GPR141: variants seen among roughly 807,000 people sequenced by gnomAD.
GPR141 encodes probable G protein-coupled receptor 141.
In GPR141, 6 loss-of-function variants were observed where a neutral mutation model predicts 6.8. That is an observed-to-expected ratio of 0.88 (90% confidence interval 0.48 to 1.74). The LOEUF is 1.74. Among genes scored for constraint, GPR141 ranks in the 40% most tolerant of loss-of-function variants. GPR141 has a pLI of 0.01. For missense variants in GPR141, 372 were observed against 372.9 expected (o/e 1.00, Z 0.02); for synonymous variants, 140 against 142.3 (o/e 0.98, Z 0.11).
chr7:37,739,765 A>G (rs935438914), intron 2 of GPR141, among the ~76,000 whole-genome samples: 6 of 152,126 alleles, frequency 3.9e-5, no homozygotes, highest in Admixed American at 2.6e-4. Flanking sequence ...AGTGGGGCCC[A>G]TGGGAAGGCT....
intron 2 of GPR141, among the ~76,000 whole-genome samples, chr7:37,709,168 C>T (rs1050804450): frequency 2.6e-5 from 4 of 152,104 alleles, no homozygotes; most frequent in Admixed American, 1.3e-4. Flanking sequence ...GAGAGATCAT[C>T]GTACACAGAA....
intron 2 of GPR141, among the ~76,000 whole-genome samples, chr7:37,730,623 G>A (rs1214582812): frequency 6.6e-6 from 1 of 152,164 alleles, no homozygotes; most frequent in African/African-American, 2.4e-5. Flanking sequence ...GTGACTGCAG[G>A]TGCTGGCTTG....
chr7:37,726,633 A>T (rs1340754273), intron 2 of GPR141, among the ~76,000 whole-genome samples: 1 of 152,164 alleles, frequency 6.6e-6, no homozygotes, highest in African/African-American at 2.4e-5. Flanking sequence ...TCCATATTGT[A>T]ATTTTTTGGA....
intron 2 of GPR141, among the ~76,000 whole-genome samples, chr7:37,715,832 C>T (rs561955186): frequency 5.3e-5 from 8 of 152,216 alleles, no homozygotes; most frequent in East Asian, 1.9e-4. Context: ...ATTTGTAGGC[C>T]GCCAATGCAC....
At chr7:37,733,893 C>A (rs1812108722) in intron 2 of GPR141, among the ~76,000 whole-genome samples, 1 of 151,980 alleles carries the variant, frequency 6.6e-6, no homozygotes, top group African/African-American at 2.4e-5. Flanking sequence ...CAATATTGGC[C>A]GAGTATCGTG....
chr7:37,697,985 T>A (rs1810100725), intron 2 of GPR141, among the ~76,000 whole-genome samples: 1 of 152,230 alleles, frequency 6.6e-6, no homozygotes. Context: ...AGAGACACCC[T>A]GTGCATCCTG....
Position 37,740,723 on chromosome 7 carries a change from G to T in GPR141, c.330G>T (p.Leu110=). The change falls in exon 3 of 3, where the codon CTG becomes CTT. Residue 110 remains leucine, a synonymous_variant. Transcript: ENST00000334425. ...YLTFLFYVVI[L]VTRYLIFFKC... is the part of the protein sequence containing the mutation. ...CGTTCCTATTCTATGTGGTGATCCT[G>T]GTCACCAGATACCTCATCTTCTTCA... 6.2e-7 allele frequency: 1 copy of T among 1,614,046 alleles called. No individual in the cohort carries two copies. Among genetic ancestry groups the T allele is most frequent in the Non-Finnish European group, 8.5e-7 (1 of 1,179,972 alleles).
chr7:37,700,271 GA>G (rs1395732921), intron 2 of GPR141, among the ~76,000 whole-genome samples: 1 of 152,054 alleles, frequency 6.6e-6, no homozygotes, highest in African/African-American at 2.4e-5. Context: ...TTACTTTTTT[GA>G]AAAATTAGGA....
chr7:37,720,361 A>G (rs964944646), intron 2 of GPR141, among the ~76,000 whole-genome samples: 1 of 152,226 alleles, frequency 6.6e-6, no homozygotes, highest in Admixed American at 6.5e-5. Context: ...GGAGCTGAGC[A>G]TGTGAATTGA....
chr7:37,689,895 C>T (rs933003174), intron 2 of GPR141, among the ~76,000 whole-genome samples: 2 of 150,710 alleles, frequency 1.3e-5, no homozygotes, highest in African/African-American at 4.9e-5. Context: ...GTTTCAATTT[C>T]ATTTATTTCT....
At chr7:37,723,341 C>CT (rs968285420) in intron 2 of GPR141, among the ~76,000 whole-genome samples, 1 of 151,314 alleles carries the variant, frequency 6.6e-6, no homozygotes, top group African/African-American at 2.4e-5. Context: ...TTAGTTGCCT[C>CT]TTTTTTTATT....
intron 2 of GPR141, among the ~76,000 whole-genome samples, chr7:37,698,511 G>T (rs889340253): frequency 2.0e-5 from 3 of 152,322 alleles, no homozygotes; most frequent in African/African-American, 7.2e-5. Context: ...TAGTAAGGGA[G>T]TATTAGAAAC....
At position 37,684,959 on chromosome 7, in the gene GPR141, C is replaced by T. The variant is rs111651379; in HGVS notation, c.-138-501C>T. 7.9e-3 allele frequency among the ~76,000 whole-genome samples: 1,203 copies of T among 152,310 alleles called. 23 individuals carry two copies. The highest frequency in any genetic ancestry group is 0.027 in the African/African-American group (1,130 of 41,564). Reference sequence around the variant, plus strand: ...GCTGCATAATTTGGGGGAATATTGTCTAAGGATTCCAGACCAGGGGTTGGC... The same window carrying T: ...GCTGCATAATTTGGGGGAATATTGTTTAAGGATTCCAGACCAGGGGTTGGC... On this transcript the variant is annotated intron_variant, in intron 1 of 2. Coordinates refer to ENST00000334425, the MANE Select transcript of GPR141 (RefSeq NM_001381946.1).
At chr7:37,722,923 T>TTTCCTTCCTTCCTTCCTTCCTTCC (rs796368390) in intron 2 of GPR141, among the ~76,000 whole-genome samples, 9 of 112,212 alleles carry the variant, frequency 8.0e-5, no homozygotes, top group Non-Finnish European at 1.4e-4. Flanking sequence ...TTCTTTTTCC[T>TTTCCTTCCTTCCTTCCTTCCTTCC]TTCCTTCCTT....
intron 2 of GPR141, among the ~76,000 whole-genome samples, chr7:37,717,500 A>G (rs969503214): frequency 6.6e-6 from 1 of 152,106 alleles, no homozygotes; most frequent in African/African-American, 2.4e-5. Flanking sequence ...TCATTAACAA[A>G]CGTTTCCATA....
In GPR141 at chr7:37,743,307, A is replaced by G. The variant is rs1297975022; in HGVS notation, c.*1996A>G. Among the ~76,000 whole-genome samples, 1 of 152,326 alleles carries G rather than the reference A, an allele frequency of 6.6e-6. No individual in the cohort carries two copies. Among genetic ancestry groups the G allele is most frequent in the East Asian group, 1.9e-4 (1 of 5,196 alleles). Reference sequence around the variant, plus strand: ...CTGTGACCACTAAAATTACTGAGCCACAGAAATTAATTCTGAGGAAGCAGA... The same window carrying G: ...CTGTGACCACTAAAATTACTGAGCCGCAGAAATTAATTCTGAGGAAGCAGA... On this transcript the variant is annotated 3_prime_UTR_variant, in exon 3 of 3. Transcript: ENST00000334425.
chr7:37,718,853 G>A (rs1287805622), intron 2 of GPR141, among the ~76,000 whole-genome samples: 1 of 152,196 alleles, frequency 6.6e-6, no homozygotes, highest in Non-Finnish European at 1.5e-5. Context: ...GCTTCTGTTA[G>A]GCTTTGAATG....
chr7:37,707,964 G>A (rs1174764643), intron 2 of GPR141, among the ~76,000 whole-genome samples: 1 of 152,114 alleles, frequency 6.6e-6, no homozygotes, highest in African/African-American at 2.4e-5. Flanking sequence ...CAACACCACA[G>A]ACTGCCTCTC....
intron 2 of GPR141, among the ~76,000 whole-genome samples, chr7:37,739,157 A>G (rs1463801181): frequency 6.6e-6 from 1 of 152,214 alleles, no homozygotes; most frequent in Admixed American, 6.5e-5. Context: ...TATTGTGTGT[A>G]TCAGAAGTTG....
Sources: allele counts gnomAD v4.1 joint callset (sites outside exome capture counted in the v4.1 genomes callset), GRCh38; gene constraint gnomAD v4.1.1; transcripts MANE v1.5; gene names NCBI Gene and HGNC (gene_info 2026-07-23, HGNC 2026-07-21).